RFWD3: variants seen among roughly 807,000 people sequenced by gnomAD.
RFWD3 encodes the protein ring finger and WD repeat domain 3.
RFWD3 carries 65 observed loss-of-function variants against 87.7 expected under a neutral mutation model. That is an observed-to-expected ratio of 0.74 (90% CI 0.61 to 0.91). The LOEUF (loss-of-function observed/expected upper bound fraction) is 0.91, where lower values mean the gene tolerates loss of function less well. RFWD3 is among the 40% of genes least tolerant of loss of function. The pLI, the probability that RFWD3 is intolerant of heterozygous loss-of-function variation, is 0.00. For synonymous variants in RFWD3, 433 were observed against 352.8 expected (o/e 1.23, Z -2.55); for missense variants, 1,078 against 938.5 (o/e 1.15, Z -1.94).
In RFWD3 at chr16:74,661,335, C is replaced by G; in HGVS notation, c.115G>C (p.Val39Leu). ...TGGCTGCTGACCACATCAGCAGGAA[C>G]AGGCTGGAGGAGGGCTGGTCCCCCT... ...SQGGPALLQPVPADVVSSQGV... is the reference protein window; with the variant it reads ...SQGGPALLQPLPADVVSSQGV... The change falls in exon 2 of 13, where the codon GTT becomes CTT. Residue 39 changes from valine (V) to leucine (L), a missense_variant. Physicochemically the swap from Val to Leu is conservative, Grantham distance 32 (BLOSUM62 1). Coordinates refer to ENST00000361070, the MANE Select transcript of RFWD3 (RefSeq NM_018124.4). The G allele has an allele frequency of 1.9e-6, 3 of 1,614,094 alleles. No individual in the cohort carries two copies. Among genetic ancestry groups the G allele is most frequent in the Non-Finnish European group, 2.5e-6 (3 of 1,180,028 alleles).
intron 9 of RFWD3, among the ~76,000 whole-genome samples, chr16:74,631,647 C>T (rs913307760): frequency 6.6e-6 from 1 of 152,200 alleles, no homozygotes; most frequent in Non-Finnish European, 1.5e-5. Flanking sequence ...AAGAAGTCAT[C>T]ATGGTACTCA....
chr16:74,634,094 G>C (rs1436557871), intron 8 of RFWD3, among the ~76,000 whole-genome samples: 4 of 152,024 alleles, frequency 2.6e-5, no homozygotes, highest in Non-Finnish European at 5.9e-5. Flanking sequence ...TTTACTCTCT[G>C]TCAATTCTAC....
chr16:74,645,517 A>T, intron 4 of RFWD3, among the ~76,000 whole-genome samples: 1 of 152,106 alleles, frequency 6.6e-6, no homozygotes, highest in Admixed American at 6.6e-5. Flanking sequence ...TGTACCAAAT[A>T]CTGTAGGCAA....
At chr16:74,631,449 G>A (rs945185213) in intron 9 of RFWD3, among the ~76,000 whole-genome samples, 2 of 97,934 alleles carry the variant, frequency 2.0e-5, no homozygotes, top group Non-Finnish European at 4.1e-5. Context: ...CTCCAGCCTG[G>A]GTGACAGAGT....
At position 74,644,802 on chromosome 16, in the gene RFWD3, A is replaced by G; in HGVS notation, c.793-67T>C. On this transcript the variant is annotated intron_variant, in intron 4 of 12. Coordinates refer to ENST00000361070, the MANE Select transcript of RFWD3 (RefSeq NM_018124.4). ...AAATCAATCTTGAAGAAGATGTGCA[A>G]CTAAGAAATTAACAGAAGTGCAAAA... 2.7e-6 allele frequency: 4 copies of G among 1,488,380 alleles called. 1 individual carries two copies. In the South Asian group the frequency reaches 5.0e-5, roughly 19 times the overall value. The allele number at this position is 1,488,380 out of a possible 1,614,324, so 92.2% of individuals were successfully genotyped here.
chr16:74,643,118 A>G (rs1959799148), intron 6 of RFWD3, among the ~76,000 whole-genome samples: 1 of 152,222 alleles, frequency 6.6e-6, no homozygotes, highest in Non-Finnish European at 1.5e-5. Context: ...TAATCTGTAC[A>G]GTGACTACCT....
intron 4 of RFWD3, 42 bp downstream of exon 4, chr16:74,649,082 AAAATAAAT>A (rs749086452): frequency 2.3e-6 from 3 of 1,296,632 alleles, no homozygotes; most frequent in African/African-American, 3.1e-5. Flanking sequence ...CTAGTCTCTA[AAAATAAAT>A]AAATAAATAA....
At chr16:74,637,122 T>TAAAAAAAAAAAAAAA (rs759556308) in intron 7 of RFWD3, among the ~76,000 whole-genome samples, 54 of 101,774 alleles carry the variant, frequency 5.3e-4, no homozygotes, top group South Asian at 1.1e-3. Context: ...TAAAGTCCTT[T>TAAAAAAAAAAAAAAA]AAAAAAAAAA....
intron 6 of RFWD3, 36 bp from the exon 7 acceptor site, chr16:74,638,006 G>A (rs755561731): frequency 1.4e-6 from 2 of 1,414,674 alleles, no homozygotes; most frequent in African/African-American, 2.8e-5. Flanking sequence ...TGGGGATTAG[G>A]AAGGCTACAG....
intron 3 of RFWD3, among the ~76,000 whole-genome samples, chr16:74,650,353 C>CTTTTTTTTTTTTTTT (rs781708043): frequency 7.5e-6 from 1 of 133,442 alleles, no homozygotes; most frequent in African/African-American, 2.7e-5. Flanking sequence ...AGATTCAGGG[C>CTTTTTTTTTTTTTTT]TTTTTTTTTT....
At chr16:74,641,178 TGAAGA>T (rs1354523895) in intron 6 of RFWD3, among the ~76,000 whole-genome samples, 14 of 152,024 alleles carry the variant, frequency 9.2e-5, no homozygotes, top group Admixed American at 3.9e-4. Flanking sequence ...TTTTTTTTTT[TGAAGA>T]CAGAGTTTCG....
intron 2 of RFWD3, among the ~76,000 whole-genome samples, chr16:74,657,799 G>T (rs957068711): frequency 6.6e-6 from 1 of 152,056 alleles, no homozygotes; most frequent in Non-Finnish European, 1.5e-5. Flanking sequence ...ACAGTGCTAA[G>T]CAAGTTTACC....
chr16:74,637,773 T>G, intron 7 of RFWD3, 83 bp downstream of exon 7: 1 of 994,838 alleles, frequency 1.0e-6, no homozygotes, highest in Middle Eastern at 3.1e-4. Context: ...ATCCTATTTG[T>G]TTCTGAGATG....
chr16:74,662,514 G>A (rs866576072), intron 1 of RFWD3, among the ~76,000 whole-genome samples: 1 of 152,152 alleles, frequency 6.6e-6, no homozygotes, highest in Non-Finnish European at 1.5e-5. Flanking sequence ...TGATGTTTGG[G>A]GTTGAGGAGA....
chr16:74,660,708 T>C (rs533539801), intron 2 of RFWD3: 26 of 531,706 alleles, frequency 4.9e-5, no homozygotes, highest in East Asian at 2.6e-4. Flanking sequence ...TCTACAGAGA[T>C]TGCCAACAAA....
chr16:74,665,524 G>T (rs765756252), intron 1 of RFWD3, among the ~76,000 whole-genome samples: 1 of 151,774 alleles, frequency 6.6e-6, no homozygotes, highest in African/African-American at 2.4e-5. Flanking sequence ...GTTGCAGTGA[G>T]CCGAGATCGC....
intron 10 of RFWD3, 47 bp from the exon 11 acceptor site, chr16:74,628,713 C>T (rs374830099): frequency 7.7e-6 from 12 of 1,568,376 alleles, no homozygotes; most frequent in African/African-American, 5.4e-5. Context: ...AAAACTCGGA[C>T]GGCTCCAGAC....
At chr16:74,662,620 G>T (rs1483399105) in intron 1 of RFWD3, among the ~76,000 whole-genome samples, 1 of 152,210 alleles carries the variant, frequency 6.6e-6, no homozygotes, top group African/African-American at 2.4e-5. Flanking sequence ...AGCTGGCTAT[G>T]CAAAGAGCCA....
chr16:74,659,843 G>C (rs941978136), intron 2 of RFWD3, among the ~76,000 whole-genome samples: 8 of 152,148 alleles, frequency 5.3e-5, no homozygotes, highest in Non-Finnish European at 7.3e-5. Context: ...TAAAACATGG[G>C]TAATAGATGA....
Sources: allele counts gnomAD v4.1 joint callset (sites outside exome capture counted in the v4.1 genomes callset), GRCh38; gene constraint gnomAD v4.1.1; transcripts MANE v1.5; gene names NCBI Gene and HGNC (gene_info 2026-07-23, HGNC 2026-07-21).